Variants in ACBD3 observed in about 807,000 individuals in gnomAD.
The protein encoded by ACBD3 is Golgi resident protein GCP60.
A neutral mutation model predicts 66.9 loss-of-function variants in ACBD3; 30 were observed. The observed-to-expected ratio is 0.45, with a 90% CI of 0.34 to 0.61. The LOEUF (loss-of-function observed/expected upper bound fraction) is 0.61. Ranked by LOEUF, ACBD3 falls within the 20% of genes least tolerant of loss-of-function variation. The probability of loss-of-function intolerance (pLI) is 0.02; values close to 1 mark genes in which losing one functional copy is unlikely to be tolerated. For missense variants in ACBD3, 544 were observed against 664.5 expected, an observed-to-expected ratio of 0.82 and a Z score of 1.99; for synonymous variants, 278 against 259.8, an observed-to-expected ratio of 1.07 and a Z score of -0.68.
At chr1:226,150,818 T>C (rs1659558717) in intron 7 of ACBD3, among the ~76,000 whole-genome samples, 1 of 152,358 alleles carries the variant, frequency 6.6e-6, no homozygotes, top group African/African-American at 2.4e-5. Context: ...CATGCTTCCA[T>C]ATTTACCAGC....
At chr1:226,159,088 A>C in intron 5 of ACBD3, 96 bp downstream of exon 5, 1 of 1,400,620 alleles carries the variant, frequency 7.1e-7, no homozygotes. Flanking sequence ...GAGGCTAACT[A>C]ATGCAAAATT....
chr1:226,184,383 T>C (rs1330675048), intron 1 of ACBD3, among the ~76,000 whole-genome samples: 1 of 152,218 alleles, frequency 6.6e-6, no homozygotes, highest in Non-Finnish European at 1.5e-5. Context: ...TGGATATTGC[T>C]TTGAGAACTT....
chr1:226,160,485 C>T (rs1659751147), intron 4 of ACBD3, among the ~76,000 whole-genome samples: 1 of 152,190 alleles, frequency 6.6e-6, no homozygotes, highest in Admixed American at 6.5e-5. Flanking sequence ...CTCACAAACT[C>T]CTACATACAG....
intron 5 of ACBD3, among the ~76,000 whole-genome samples, chr1:226,155,980 G>A (rs1273637605): frequency 6.6e-6 from 1 of 152,208 alleles, no homozygotes; most frequent in East Asian, 1.9e-4. Flanking sequence ...AATATGGACA[G>A]ATACTACTTC....
intron 1 of ACBD3, among the ~76,000 whole-genome samples, chr1:226,179,196 A>G (rs148649800): frequency 7.2e-5 from 11 of 152,348 alleles, no homozygotes; most frequent in African/African-American, 2.6e-4. Context: ...TAGGGTTCAT[A>G]TGAGTGTTAG....
intron 1 of ACBD3, among the ~76,000 whole-genome samples, chr1:226,179,794 G>C (rs1656130065): frequency 6.6e-6 from 1 of 151,916 alleles, no homozygotes; most frequent in South Asian, 2.1e-4. Flanking sequence ...GAAGGCAGAG[G>C]TTGCAGTGAG....
intron 1 of ACBD3, among the ~76,000 whole-genome samples, chr1:226,185,535 A>G (rs1023687923): frequency 3.3e-5 from 5 of 152,116 alleles, no homozygotes; most frequent in African/African-American, 1.2e-4. Flanking sequence ...TTAAGAATCA[A>G]ACTAACGGGC....
rs144925748 is a variant in ACBD3 at position 226,154,673 on chromosome 1, T to G, written c.1064A>C (p.Glu355Ala). 6.2e-7 allele frequency: 1 copy of G among 1,613,332 alleles called. No homozygotes were observed. Among genetic ancestry groups the G allele is most frequent in the Non-Finnish European group, 8.5e-7 (1 of 1,179,584 alleles). The part of the protein sequence containing the change: ...SEKELEPEAA[E>A]EALENGPKES... ...TTTTGGTCCATTCTCCAGGGCTTCTTCTGCAGCTTCTGGTTCCAGTTCTTT... is the reference window on the plus strand; with the variant it reads ...TTTTGGTCCATTCTCCAGGGCTTCTGCTGCAGCTTCTGGTTCCAGTTCTTT... The change falls in exon 6 of 8, where the codon GAA becomes GCA. Residue 355 changes from glutamate (E) to alanine (A), a missense_variant. Around this residue, in one of 3 missense-constraint regions of ACBD3, gnomAD observed 383 missense variants for 462.4 expected, o/e 0.83. Transcript: ENST00000366812.
chr1:226,165,787 T>G (rs1408264644), intron 2 of ACBD3, 72 bp downstream of exon 2: 1 of 1,517,872 alleles, frequency 6.6e-7, no homozygotes, highest in African/African-American at 1.4e-5. Flanking sequence ...TACTTACACC[T>G]TAACCAATAC....
intron 1 of ACBD3, among the ~76,000 whole-genome samples, chr1:226,178,735 G>A (rs1182033473): frequency 1.3e-5 from 2 of 151,908 alleles, no homozygotes; most frequent in Non-Finnish European, 2.9e-5. Flanking sequence ...TAAAATCTAC[G>A]GCGTGGAAAG....
chr1:226,163,814 T>C (rs1350096706), intron 3 of ACBD3, among the ~76,000 whole-genome samples: 1 of 152,152 alleles, frequency 6.6e-6, no homozygotes, highest in Non-Finnish European at 1.5e-5. Context: ...AACCAGAGAA[T>C]CAATTGTTTT....
intron 5 of ACBD3, among the ~76,000 whole-genome samples, chr1:226,158,828 G>C (rs978118574): frequency 6.6e-6 from 1 of 152,182 alleles, no homozygotes; most frequent in East Asian, 1.9e-4. Context: ...GGCTGTCCAA[G>C]CCTCTGACAA....
chr1:226,179,900 C>A (rs1656132584), intron 1 of ACBD3, among the ~76,000 whole-genome samples: 1 of 151,114 alleles, frequency 6.6e-6, no homozygotes, highest in South Asian at 2.1e-4. Context: ...CAACTAGGTG[C>A]AGCAGCTCAC....
intron 1 of ACBD3, among the ~76,000 whole-genome samples, chr1:226,170,759 G>C (rs1378033418): frequency 6.6e-6 from 1 of 151,974 alleles, no homozygotes; most frequent in Non-Finnish European, 1.5e-5. Context: ...AATGGAGGGA[G>C]GGTTCATTTC....
intron 3 of ACBD3, among the ~76,000 whole-genome samples, chr1:226,163,772 ATC>A (rs891111710): frequency 3.9e-5 from 6 of 152,062 alleles, no homozygotes; most frequent in Non-Finnish European, 7.4e-5. Context: ...TTCTCTTCTA[ATC>A]TGTTATTTCT....
chr1:226,154,225 G>GT lies in ACBD3; in HGVS notation c.1090+421dup, dbSNP rs979378165. Among the ~76,000 whole-genome samples, 309 of 147,688 alleles carry GT rather than the reference G, an allele frequency of 2.1e-3. 1 individual carries two copies. The highest frequency in any genetic ancestry group is 3.5e-3 in the Middle Eastern group (1 of 282). On this transcript the variant is annotated intron_variant, in intron 6 of 7. Coordinates refer to ENST00000366812, the MANE Select transcript of ACBD3 (RefSeq NM_022735.4). The stretch of plus-strand genomic sequence containing the variant: ...ATTTAGGTGTAATTAATTTTTGTTT[G>GT]TTTTTTTTTTGAGAGACAGTCTTGC...
At chr1:226,185,655 C>T (rs1656282448) in intron 1 of ACBD3, among the ~76,000 whole-genome samples, 2 of 151,636 alleles carry the variant, frequency 1.3e-5, no homozygotes, top group South Asian at 2.1e-4. Flanking sequence ...CAATCTTGCT[C>T]TAAGACAAGA....
intron 1 of ACBD3, among the ~76,000 whole-genome samples, chr1:226,175,616 GAGAA>G (rs957141949): frequency 4.0e-5 from 6 of 151,446 alleles, no homozygotes; most frequent in East Asian, 1.9e-4. Context: ...AAGAGGAAAG[GAGAA>G]AGAGAGATAC....
intron 3 of ACBD3, among the ~76,000 whole-genome samples, chr1:226,163,421 G>A (rs1382943988): frequency 6.6e-6 from 1 of 151,904 alleles, no homozygotes; most frequent in Non-Finnish European, 1.5e-5. Flanking sequence ...CTACACAATG[G>A]ACTGTAGGAC....
Sources: gnomAD v4.1 joint callset for allele counts (sites outside exome capture counted in the v4.1 genomes callset) on GRCh38, gnomAD v4.1.1 for gene constraint, gnomAD v4.1.1 regional missense constraint, MANE v1.5 for transcripts, NCBI Gene and HGNC (gene_info 2026-07-23, HGNC 2026-07-21) for gene names.